Variants in COG5 observed in about 807,000 individuals in gnomAD.
COG5 encodes the protein conserved oligomeric Golgi complex subunit 5.
Under a neutral mutation model 110.4 loss-of-function variants are expected in COG5, and 86 were observed. The ratio of observed to expected loss-of-function variants is 0.78; its 90% CI spans 0.65 to 0.93. COG5 has a LOEUF of 0.93. Among genes scored for constraint, COG5 ranks in the 40% least tolerant of loss-of-function variants. The probability of loss-of-function intolerance (pLI) is 0.00; values close to 1 mark genes in which losing one functional copy is unlikely to be tolerated. For synonymous variants in COG5, 360 were observed against 334.6 expected (o/e 1.08, Z -0.83); for missense variants, 1,077 against 987.0 (o/e 1.09, Z -1.22).
intron 14 of COG5, among the ~76,000 whole-genome samples, chr7:107,270,467 C>G (rs1804163825): frequency 6.6e-6 from 1 of 151,990 alleles, no homozygotes; most frequent in African/African-American, 2.4e-5. Context: ...TCGCATGTTG[C>G]CCAAGCTGGT....
Position 107,451,322 on chromosome 7 carries a change from TAGA to T in COG5, c.539-38693_539-38691del, listed in dbSNP as rs577694301. ...GTGCCAGAAGATAAGGAAGAAGATG[TAGA>T]AGAAGCAGTGCCAGAAAACAAATTG... On this transcript the variant is annotated intron_variant, in intron 6 of 21. Transcript: ENST00000297135. Among the ~76,000 whole-genome samples the T allele has an allele frequency of 1.4e-4, 21 of 152,226 alleles. No homozygotes were observed. In the East Asian group the frequency reaches 3.3e-3, roughly 24 times the overall value.
At chr7:107,375,883 TC>T (rs975718803) in intron 7 of COG5, among the ~76,000 whole-genome samples, 6 of 152,110 alleles carry the variant, frequency 3.9e-5, no homozygotes, top group African/African-American at 1.4e-4. Flanking sequence ...TGATAAGTGT[TC>T]CCCACCCCAC....
intron 7 of COG5, among the ~76,000 whole-genome samples, chr7:107,407,617 C>CT (rs1212163892): frequency 0.024 from 3,039 of 128,640 alleles, 89 homozygotes; most frequent in East Asian, 0.088. Context: ...TAAGCATCTT[C>CT]TTTTTTTTTT....
chr7:107,261,774 A>G (rs7781947), intron 14 of COG5, among the ~76,000 whole-genome samples: 23,760 of 151,998 alleles, frequency 0.16, 2,317 homozygotes, highest in Non-Finnish European at 0.22. Context: ...TCTCTCTCAA[A>G]TCTGAGTTCA....
At chr7:107,243,635 A>C (rs1584564030) in intron 17 of COG5, among the ~76,000 whole-genome samples, 1 of 152,128 alleles carries the variant, frequency 6.6e-6, no homozygotes, top group Non-Finnish European at 1.5e-5. Flanking sequence ...TAACAAAGAC[A>C]TTCAGGACCT....
At chr7:107,287,946 T>C (rs1483788281) in intron 12 of COG5, among the ~76,000 whole-genome samples, 1 of 152,232 alleles carries the variant, frequency 6.6e-6, no homozygotes, top group Non-Finnish European at 1.5e-5. Context: ...TTTCCATCTT[T>C]TGGCTATCAG....
At chr7:107,372,501 T>G in intron 8 of COG5, 94 bp downstream of exon 8, 1 of 1,192,806 alleles carries the variant, frequency 8.4e-7, no homozygotes, top group Admixed American at 1.9e-5. Context: ...AATGAGTCAT[T>G]AGATTGCTTT....
At chr7:107,431,575 ACT>A (rs1185914282) in intron 6 of COG5, among the ~76,000 whole-genome samples, 1 of 152,034 alleles carries the variant, frequency 6.6e-6, no homozygotes, top group Non-Finnish European at 1.5e-5. Flanking sequence ...GCATCATCAA[ACT>A]CTATCATCTT....
intron 17 of COG5, among the ~76,000 whole-genome samples, chr7:107,238,692 G>A (rs1018209849): frequency 4.6e-5 from 7 of 152,186 alleles, no homozygotes; most frequent in African/African-American, 1.7e-4. Context: ...AGTCAATTCT[G>A]ACAGGTGTGA....
intron 6 of COG5, among the ~76,000 whole-genome samples, chr7:107,429,459 GTTTTTTT>G (rs879327523): frequency 1.4e-5 from 2 of 142,614 alleles, no homozygotes; most frequent in South Asian, 2.2e-4. Context: ...TCTTTGCCCA[GTTTTTTT>G]TTTTTTTAAG....
intron 17 of COG5, among the ~76,000 whole-genome samples, chr7:107,242,469 G>A (rs1801720326): frequency 6.6e-6 from 1 of 152,192 alleles, no homozygotes; most frequent in South Asian, 2.1e-4. Flanking sequence ...CACCGGGCAG[G>A]CCTGGGCCTC....
chr7:107,435,377 G>A (rs1355500698), intron 6 of COG5, among the ~76,000 whole-genome samples: 3 of 152,108 alleles, frequency 2.0e-5, no homozygotes, highest in African/African-American at 7.2e-5. Flanking sequence ...ATCTGGCCAG[G>A]CGCGGTGGCT....
chr7:107,447,622 T>C (rs567103865), intron 6 of COG5, among the ~76,000 whole-genome samples: 28 of 152,332 alleles, frequency 1.8e-4, no homozygotes, highest in African/African-American at 5.5e-4. Context: ...ATAGGCATTA[T>C]AGCATTTTTC....
At chr7:107,213,869 G>A (rs867997404) in intron 19 of COG5, among the ~76,000 whole-genome samples, 1 of 152,122 alleles carries the variant, frequency 6.6e-6, no homozygotes, top group African/African-American at 2.4e-5. Context: ...AAGAACTAGC[G>A]GAATAGTGAC....
At chr7:107,499,348 C>T (rs763092652) in intron 6 of COG5, among the ~76,000 whole-genome samples, 2 of 151,632 alleles carry the variant, frequency 1.3e-5, no homozygotes, top group African/African-American at 4.8e-5. Context: ...ACCACACTAA[C>T]GTAAGGTATT....
chr7:107,427,771 T>A (rs1793748259), intron 6 of COG5, among the ~76,000 whole-genome samples: 1 of 151,782 alleles, frequency 6.6e-6, no homozygotes, highest in East Asian at 2.0e-4. Flanking sequence ...TTACAGCTCA[T>A]ACACACATTC....
chr7:107,305,334 ATTCCTT>A (rs1191439249), intron 11 of COG5, among the ~76,000 whole-genome samples: 2 of 152,152 alleles, frequency 1.3e-5, no homozygotes, highest in Admixed American at 6.5e-5. Context: ...TTTCTTGCTC[ATTCCTT>A]TTCCTAACTG....
intron 6 of COG5, among the ~76,000 whole-genome samples, chr7:107,489,954 C>T (rs1797885690): frequency 6.6e-6 from 1 of 152,096 alleles, no homozygotes; most frequent in Non-Finnish European, 1.5e-5. Flanking sequence ...TAAGCACAAA[C>T]AATGTTCAGC....
intron 3 of COG5, among the ~76,000 whole-genome samples, chr7:107,550,793 C>T (rs1802828727): frequency 6.6e-6 from 1 of 152,040 alleles, no homozygotes; most frequent in Non-Finnish European, 1.5e-5. Context: ...GCAACCTCTG[C>T]CTCCCAGGTT....
Sources: gnomAD v4.1 joint callset for allele counts (sites outside exome capture counted in the v4.1 genomes callset) on GRCh38, gnomAD v4.1.1 for gene constraint, MANE v1.5 for transcripts, NCBI Gene and HGNC (gene_info 2026-07-23, HGNC 2026-07-21) for gene names.